AMOTL2: variants seen among roughly 807,000 people sequenced by gnomAD.
AMOTL2 encodes angiomotin-like protein 2.
Under a neutral mutation model 78.4 loss-of-function variants are expected in AMOTL2, and 33 were observed. The observed-to-expected ratio is 0.42, with a 90% CI of 0.32 to 0.56. AMOTL2 has a LOEUF of 0.56. Among genes scored for constraint, AMOTL2 ranks in the 20% least tolerant of loss-of-function variants. The probability of loss-of-function intolerance (pLI) is 0.12; values close to 1 mark genes in which losing one functional copy is unlikely to be tolerated. For synonymous variants in AMOTL2, 422 were observed against 428.8 expected (o/e 0.98, Z 0.20); for missense variants, 983 against 1,030.1 (o/e 0.95, Z 0.63).
intron 2 of AMOTL2, among the ~76,000 whole-genome samples, chr3:134,369,869 G>A (rs547094778): frequency 6.6e-6 from 1 of 152,252 alleles, no homozygotes; most frequent in East Asian, 1.9e-4. Context: ...CGTGAGGCAG[G>A]GCCTTGTTTC....
rs1323493699 is a variant in AMOTL2, at chr3:134,371,180, T to G, written c.254A>C (p.His85Pro). ...QGQEHQGGEN[H>P]LAENTLYRLC... ...CCGGTAGAGGGTGTTCTCTGCCAGG[T>G]GGTTCTCACCGCCCTGGTGCTCCTG... is the stretch of plus-strand genomic sequence containing the variant. Residue 85 changes from histidine to proline, a missense_variant, in exon 2 of 10, where the codon CAC (histidine) becomes CCC (proline). Physicochemically the swap from His to Pro is moderately conservative, Grantham distance 77 (BLOSUM62 -2). Transcript: ENST00000249883. 1 of 1,613,764 alleles carries G rather than the reference T, an allele frequency of 6.2e-7. No homozygotes were observed. The highest frequency in any genetic ancestry group is 8.5e-7 in the Non-Finnish European group (1 of 1,179,962).
At chr3:134,358,804 G>T in intron 8 of AMOTL2, 85 bp from the exon 9 acceptor site, 1 of 1,519,696 alleles carries the variant, frequency 6.6e-7, no homozygotes, top group Non-Finnish European at 9.0e-7. Context: ...TCCCTGCTGG[G>T]GATTCAAGGT....
At chr3:134,373,369 A>T (rs1031100431) in intron 1 of AMOTL2, 4 of 725,534 alleles carry the variant, frequency 5.5e-6, no homozygotes, top group South Asian at 6.2e-5. Context: ...CAGGCGCTCC[A>T]TAGTGTGCCC....
chr3:134,370,684 A>T lies in AMOTL2; in HGVS notation c.734+16T>A. The T allele has an allele frequency of 6.6e-7, 1 of 1,505,988 alleles. No homozygotes were observed. Among genetic ancestry groups the T allele is most frequent in the South Asian group, 1.4e-5 (1 of 72,452 alleles). 93.3% of individuals were successfully genotyped at this position (1,505,988 alleles called of 1,614,324 possible). On this transcript the variant is annotated intron_variant, in intron 2 of 9. Coordinates refer to ENST00000249883, the MANE Select transcript of AMOTL2 (RefSeq NM_016201.4). ...AGAAAGCCAGGAGTTGGAAAGCCCA[A>T]GGTGGGGAGAGTTACCTGACTTCAG...
intron 8 of AMOTL2, 110 bp downstream of exon 8, chr3:134,359,173 G>T: frequency 8.2e-7 from 1 of 1,226,022 alleles, no homozygotes; most frequent in South Asian, 1.4e-5. Flanking sequence ...AAGAGGGTCA[G>T]GAAGCCCTGG....
chr3:134,373,012 G>C (rs932099549), intron 1 of AMOTL2, among the ~76,000 whole-genome samples: 1 of 152,050 alleles, frequency 6.6e-6, no homozygotes, highest in East Asian at 1.9e-4. Context: ...CTTCAGTTTG[G>C]GCTATGGCAT....
At position 134,371,285 on chromosome 3, in the gene AMOTL2, C is replaced by T; in HGVS notation, c.149G>A (p.Ser50Asn). ...RGGAGTGGTG[S>N]PQASLEILAP... ...CAGGATCTCCAGGGAGGCCTGGGGG[C>T]TCCCTGTACCCCCAGTTCCAGCCCC... Residue 50 changes from serine to asparagine, a missense_variant, in exon 2 of 10, where the codon AGC (serine) becomes AAC (asparagine). By Grantham distance (46) the Ser-to-Asn change is conservative. Coordinates refer to ENST00000249883, the MANE Select transcript of AMOTL2 (RefSeq NM_016201.4). The T allele has an allele frequency of 1.2e-6, 2 of 1,612,400 alleles. No homozygotes were observed. Among genetic ancestry groups the T allele is most frequent in the Non-Finnish European group, 1.7e-6 (2 of 1,179,986 alleles).
intron 1 of AMOTL2, chr3:134,373,942 C>CTT: frequency 1.6e-6 from 1 of 633,338 alleles, no homozygotes; most frequent in Non-Finnish European, 2.0e-6. Context: ...GCAAAGGCAC[C>CTT]TGTAACCCCC....
chr3:134,360,563 G>A, intron 6 of AMOTL2, 150 bp from the exon 7 acceptor site: 1 of 722,920 alleles, frequency 1.4e-6, no homozygotes, highest in South Asian at 1.8e-5. Flanking sequence ...ACCGAAATGG[G>A]GATACAGCAC....
chr3:134,361,399 T>TA, intron 6 of AMOTL2, 113 bp downstream of exon 6: 1 of 1,296,646 alleles, frequency 7.7e-7, no homozygotes, highest in Non-Finnish European at 1.0e-6. Context: ...AGCCTAGATC[T>TA]AAGCAGGGGC....
intron 6 of AMOTL2, among the ~76,000 whole-genome samples, chr3:134,360,861 A>G (rs373562251): frequency 6.6e-5 from 10 of 152,270 alleles, no homozygotes; most frequent in Middle Eastern, 3.4e-3. Flanking sequence ...TTTCCTCCCA[A>G]TCTTGGGGAG....
At chr3:134,359,870 G>T (rs764339845) in intron 7 of AMOTL2, among the ~76,000 whole-genome samples, 1 of 152,196 alleles carries the variant, frequency 6.6e-6, no homozygotes, top group Non-Finnish European at 1.5e-5. Flanking sequence ...GCACTGGATG[G>T]CACCCAACAC....
rs1193686739 is a variant in AMOTL2 at position 134,365,855 on chromosome 3, G to A, written c.1241C>T (p.Ala414Val). Reference protein sequence around the residue: ...RLASKTQEAQAGSQDMVAKLL... With the variant: ...RLASKTQEAQVGSQDMVAKLL... ...CTTGGCCACCATGTCCTGACTGCCG[G>A]CCTGGGCCTCCTGTGTCTTGCTTGC... Residue 414 changes from alanine (A) to valine (V), a missense_variant, in exon 5 of 10, where the codon GCC (alanine) becomes GTC (valine). Coordinates refer to ENST00000249883, the MANE Select transcript of AMOTL2 (RefSeq NM_016201.4). The A allele has an allele frequency of 1.2e-6, 2 of 1,614,150 alleles. No homozygotes were observed. Among genetic ancestry groups the A allele is most frequent in the Non-Finnish European group, 1.7e-6 (2 of 1,180,034 alleles).
chr3:134,372,554 CACAA>C (rs1308302224), intron 1 of AMOTL2, among the ~76,000 whole-genome samples: 9 of 151,502 alleles, frequency 5.9e-5, no homozygotes, highest in Admixed American at 2.6e-4. Context: ...CACACACACA[CACAA>C]ACACACACAC....
At chr3:134,371,675 A>T in intron 1 of AMOTL2, 181 bp from the exon 2 acceptor site, 1 of 954,388 alleles carries the variant, frequency 1.0e-6, no homozygotes, top group Non-Finnish European at 1.5e-6. Context: ...TGATTAAGAC[A>T]AGTTACCTAA....
Position 134,358,575 on chromosome 3 carries a change from A to G in AMOTL2, c.2249T>C (p.Leu750Pro). 1 of 1,614,162 alleles carries G rather than the reference A, an allele frequency of 6.2e-7. No individual in the cohort carries two copies. The highest frequency in any genetic ancestry group is 1.3e-5 in the African/African-American group (1 of 75,066). ...TGCTCTCTGGCTACTGCTGCACCCC[A>G]GAAGGCTGTCAGGCTCCGGTGGCAG... is the stretch of plus-strand genomic sequence containing the variant. ...TCLPPEPDSL[L>P]GCSSSQRAAS... The change falls in exon 9 of 10, where the codon CTG (leucine) becomes CCG (proline). Residue 750 changes from leucine (L) to proline (P), a missense_variant. Transcript: ENST00000249883.
chr3:134,366,383 CA>C lies in AMOTL2; in HGVS notation c.1085del (p.Leu362ArgfsTer23). On this transcript the variant is annotated frameshift_variant, in exon 4 of 10. Transcript: ENST00000249883. LOFTEE classifies it high-confidence loss of function. ...CCTCACGCTTGGAGGAGGCTCTGGT[CA>C]GGCTCTCATGGGCCTCAGAGAGCCG... is the stretch of plus-strand genomic sequence containing the variant. Reference protein sequence around the residue: ...IQRLSEAHESLTRASSKREAL... With the variant: ...IQRLSEAHESXTRASSKREAL... 1 of 1,614,058 alleles carries C rather than the reference CA, an allele frequency of 6.2e-7. No individual in the cohort carries two copies.
rs576892665 is a variant in AMOTL2, at chr3:134,361,751, C to T, written c.1336G>A (p.Gly446Ser). 1.7e-5 allele frequency: 27 copies of T among 1,591,666 alleles called. No homozygotes were observed. Among genetic ancestry groups the T allele is most frequent in the African/African-American group, 1.2e-4 (9 of 74,472 alleles). The change falls in exon 6 of 10, where the codon GGC becomes AGC. Residue 446 changes from glycine to serine, a missense_variant. Coordinates refer to ENST00000249883, the MANE Select transcript of AMOTL2 (RefSeq NM_016201.4). ...CGCCGCCGCTGGTCCTCGATGGCGC[C>T]GCGCAGCAGTGCCATCTCTCGCTCC... Reference protein sequence around the residue: ...KLEREMALLRGAIEDQRRRAE... With the variant: ...KLEREMALLRSAIEDQRRRAE...
upstream of AMOTL2, chr3:134,374,455 C>G (rs1223170309): frequency 1.0e-6 from 1 of 985,410 alleles, no homozygotes; most frequent in Admixed American, 6.1e-5. Context: ...TCTGGCTGTT[C>G]GCGCCCCAGC....
Sources: allele counts gnomAD v4.1 joint callset (sites outside exome capture counted in the v4.1 genomes callset), GRCh38; gene constraint gnomAD v4.1.1; transcripts MANE v1.5; gene names NCBI Gene and HGNC (gene_info 2026-07-23, HGNC 2026-07-21).